Variants in XIRP2 observed in about 807,000 individuals in gnomAD.
XIRP2 encodes the protein xin actin binding repeat containing 2, also known as xin actin-binding repeat-containing protein 2.
XIRP2 carries 236 observed loss-of-function variants against 277.0 expected under a neutral mutation model. The observed-to-expected ratio is 0.85, with a 90% CI of 0.77 to 0.95. The LOEUF is 0.95. Ranked by LOEUF, XIRP2 falls within the 40% of genes least tolerant of loss-of-function variation. XIRP2 has a pLI of 0.00. For synonymous variants in XIRP2, 1,490 were observed against 1,416.5 expected (o/e 1.05, Z -1.17); for missense variants, 4,640 against 4,157.5 (o/e 1.12, Z -3.19).
intron 2 of XIRP2, among the ~76,000 whole-genome samples, chr2:167,026,550 A>C (rs868506685): frequency 6.6e-6 from 1 of 152,026 alleles, no homozygotes; most frequent in Non-Finnish European, 1.5e-5. Context: ...TTCCTAGCCT[A>C]GATGGTCTTT....
chr2:167,026,308 G>T (rs190602344), intron 2 of XIRP2, among the ~76,000 whole-genome samples: 1 of 151,892 alleles, frequency 6.6e-6, no homozygotes, highest in African/African-American at 2.4e-5. Flanking sequence ...CATTTGCTTG[G>T]TAGATCTTCC....
intron 1 of XIRP2, among the ~76,000 whole-genome samples, chr2:166,901,889 C>G (rs985860002): frequency 6.6e-6 from 1 of 151,994 alleles, no homozygotes; most frequent in Non-Finnish European, 1.5e-5. Flanking sequence ...ACCCACCTTT[C>G]GTCTTCCAAG....
At chr2:167,232,853 G>A (rs1694799890) in intron 5 of XIRP2, among the ~76,000 whole-genome samples, 2 of 151,862 alleles carry the variant, frequency 1.3e-5, no homozygotes, top group Non-Finnish European at 1.5e-5. Context: ...TCTAGAGGCT[G>A]GGCCTTAGAT....
At chr2:167,096,073 C>G (rs1420170604) in intron 2 of XIRP2, among the ~76,000 whole-genome samples, 5 of 137,710 alleles carry the variant, frequency 3.6e-5, no homozygotes. Flanking sequence ...CTGGATTTCA[C>G]TGGAAGTCCC....
At chr2:167,217,202 G>A (rs2105399038) in intron 4 of XIRP2, among the ~76,000 whole-genome samples, 1 of 149,938 alleles carries the variant, frequency 6.7e-6, no homozygotes, top group Non-Finnish European at 1.5e-5. Flanking sequence ...GTTAGTGGGT[G>A]CAGCACACCA....
chr2:166,938,903 T>C (rs989758624), intron 2 of XIRP2, among the ~76,000 whole-genome samples: 6 of 152,204 alleles, frequency 3.9e-5, no homozygotes, highest in African/African-American at 1.2e-4. Flanking sequence ...TATCCAAGAC[T>C]AGGATTGCAA....
Position 167,244,554 on chromosome 2 carries a change from T to A in XIRP2, c.3162T>A (p.Ser1054=), listed in dbSNP as rs1695185346. 6.2e-7 allele frequency: 1 copy of A among 1,612,756 alleles called. No individual in the cohort carries two copies. The highest frequency in any genetic ancestry group is 1.1e-5 in the South Asian group (1 of 90,780). ...AAATACAGACTGGAAATGTGAAATC[T>A]GCCAAATGGTTGTTTGAAACCCAAC... is the stretch of plus-strand genomic sequence containing the variant. ...AQEIQTGNVK[S]AKWLFETQPL... Residue 1054 remains serine (S), a synonymous_variant, in exon 9 of 11, where the codon TCT becomes TCA. Coordinates refer to ENST00000409195, the MANE Select transcript of XIRP2 (RefSeq NM_152381.6).
At chr2:167,008,253 G>A (rs923848214) in intron 2 of XIRP2, among the ~76,000 whole-genome samples, 1 of 151,458 alleles carries the variant, frequency 6.6e-6, no homozygotes, top group African/African-American at 2.4e-5. Context: ...TCTGCTAAGA[G>A]AGATCTGTCA....
chr2:167,086,411 A>G (rs897288475), intron 2 of XIRP2, among the ~76,000 whole-genome samples: 1 of 151,934 alleles, frequency 6.6e-6, no homozygotes, highest in Non-Finnish European at 1.5e-5. Context: ...GAATCTGACA[A>G]TTATGTGTCT....
chr2:167,050,266 A>T (rs562615834), intron 2 of XIRP2, among the ~76,000 whole-genome samples: 1 of 152,178 alleles, frequency 6.6e-6, no homozygotes, highest in South Asian at 2.1e-4. Flanking sequence ...TAATCCAATG[A>T]TTTAGGTGAG....
chr2:167,219,681 G>A (rs566138234), intron 5 of XIRP2, among the ~76,000 whole-genome samples: 1 of 152,258 alleles, frequency 6.6e-6, no homozygotes, highest in Non-Finnish European at 1.5e-5. Flanking sequence ...TTGAACAAGG[G>A]ACTCTACGTT....
At position 166,939,164 on chromosome 2, in the gene XIRP2, T is replaced by C. The variant is rs555387368; in HGVS notation, c.408+35274T>C. ...GTTAGCTGGTTATTTTGCTCATTAA[T>C]TGATGCAGTTTCTTCCTAGCATCGA... On this transcript the variant is annotated intron_variant, in intron 2 of 10. Transcript: ENST00000409195. Among the ~76,000 whole-genome samples, 7 of 152,326 alleles carry C rather than the reference T, an allele frequency of 4.6e-5. 1 individual carries two copies. Among genetic ancestry groups the C allele is most frequent in the African/African-American group, 1.7e-4 (7 of 41,568 alleles).
Position 167,259,657 on chromosome 2 carries a change from G to T in XIRP2, c.*1840G>T. 1 of 276,198 alleles carries T rather than the reference G, an allele frequency of 3.6e-6. No homozygotes were observed. Among genetic ancestry groups the T allele is most frequent in the Non-Finnish European group, 7.2e-6 (1 of 139,200 alleles). The allele number at this position is 276,198 out of a possible 1,614,324, so 17.1% of individuals were successfully genotyped here. A position where few individuals can be genotyped will look rare whatever the true frequency, so the allele number is the denominator to read the frequency against. ...TCTGTTTTCCTGTAAAACATCATGG[G>T]TGTGATTTTTATACTGCTGCTGCTT... On this transcript the variant is annotated 3_prime_UTR_variant, in exon 11 of 11. Transcript: ENST00000409195.
chr2:166,988,031 C>T (rs1687055082), intron 2 of XIRP2, among the ~76,000 whole-genome samples: 1 of 152,102 alleles, frequency 6.6e-6, no homozygotes, highest in Admixed American at 6.5e-5. Flanking sequence ...AGAAAAGAGA[C>T]ACTGATGTAT....
intron 2 of XIRP2, among the ~76,000 whole-genome samples, chr2:166,995,236 G>C (rs1225199499): frequency 6.6e-6 from 1 of 152,170 alleles, no homozygotes. Flanking sequence ...GAAATTGCTA[G>C]TGTATGTACA....
rs1329153251 is a variant in XIRP2 at position 167,136,024 on chromosome 2, A to G, written c.524A>G (p.Lys175Arg). The change falls in exon 3 of 11, where the codon AAG (lysine) becomes AGG (arginine). Residue 175 changes from lysine to arginine, a missense_variant. Coordinates refer to ENST00000409195, the MANE Select transcript of XIRP2 (RefSeq NM_152381.6). ...DKKGKETSFD[K>R]MSPESGHSRI... ...AAAGGCAAGGAAACATCTTTTGACA[A>G]GATGTCACCTGAAAGTGGTCACAGC... 1 of 1,610,392 alleles carries G rather than the reference A, an allele frequency of 6.2e-7. No individual in the cohort carries two copies. The highest frequency in any genetic ancestry group is 1.7e-5 in the Admixed American group (1 of 59,056).
intron 3 of XIRP2, among the ~76,000 whole-genome samples, chr2:167,141,726 C>A (rs375572739): frequency 6.6e-6 from 1 of 151,864 alleles, no homozygotes; most frequent in South Asian, 2.1e-4. Flanking sequence ...GCTGGGCTTG[C>A]GGCACATACC....
At chr2:167,189,755 A>G (rs182054828) in intron 3 of XIRP2, among the ~76,000 whole-genome samples, 128 of 152,284 alleles carry the variant, frequency 8.4e-4, no homozygotes, top group African/African-American at 2.9e-3. Flanking sequence ...TTCCAACACC[A>G]ACCAATTCTC....
intron 2 of XIRP2, among the ~76,000 whole-genome samples, chr2:167,080,182 T>C (rs1262823006): frequency 6.6e-6 from 1 of 152,144 alleles, no homozygotes. Context: ...ATTGTGTTGT[T>C]TGCTATAATG....
Sources: allele counts gnomAD v4.1 joint callset (sites outside exome capture counted in the v4.1 genomes callset), GRCh38; gene constraint gnomAD v4.1.1; transcripts MANE v1.5; gene names NCBI Gene and HGNC (gene_info 2026-07-23, HGNC 2026-07-21).